Variants in WDR86 observed in about 807,000 individuals in gnomAD.
WDR86 encodes the protein WD repeat-containing protein 86.
WDR86 carries 30 observed loss-of-function variants against 36.5 expected under a neutral mutation model. The observed-to-expected ratio is 0.82, with a 90% CI of 0.61 to 1.11. The LOEUF is 1.11. Ranked by LOEUF, WDR86 falls within the 50% of genes most tolerant of loss-of-function variation. The probability of loss-of-function intolerance (pLI) is 0.00; values close to 1 mark genes in which losing one functional copy is unlikely to be tolerated. For missense variants in WDR86, 545 were observed against 561.2 expected (o/e 0.97, Z 0.29); for synonymous variants, 255 against 252.9 (o/e 1.01, Z -0.08).
downstream of WDR86, among the ~76,000 whole-genome samples, chr7:151,371,826 C>G (rs927132502): frequency 6.6e-6 from 1 of 152,172 alleles, no homozygotes; most frequent in African/African-American, 2.4e-5. Flanking sequence ...TCACTGCAAC[C>G]TTGATCTCCC....
At chr7:151,391,792 C>T (rs1015645941) in intron 3 of WDR86, among the ~76,000 whole-genome samples, 3 of 152,150 alleles carry the variant, frequency 2.0e-5, no homozygotes, top group African/African-American at 4.8e-5. Flanking sequence ...AAGAAACTCC[C>T]GTCTACCGAG....
rs188648424 is a variant in WDR86, at chr7:151,394,845, A to G, written c.726+931T>C. 7.3e-3 allele frequency among the ~76,000 whole-genome samples: 1,119 copies of G among 152,336 alleles called. 10 individuals are homozygous for G. The highest frequency in any genetic ancestry group is 0.026 in the South Asian group (128 of 4,832). On this transcript the variant is annotated intron_variant, in intron 3 of 5. Coordinates refer to ENST00000334493, the MANE Select transcript of WDR86 (RefSeq NM_198285.3). ...CTCCTGCATCTGCAGGAAAGGCGTG[A>G]GAACCCCCAGGCACCGGGATGTTCG...
chr7:151,374,878 C>G (rs537999532), downstream of WDR86, among the ~76,000 whole-genome samples: 2 of 152,170 alleles, frequency 1.3e-5, no homozygotes, highest in African/African-American at 2.4e-5. Flanking sequence ...TCAGAGCACA[C>G]GTGGTGAGGG....
In WDR86 at chr7:151,381,673, C is replaced by T. The variant is rs1474052437; in HGVS notation, c.1040G>A (p.Gly347Asp). The T allele has an allele frequency of 2.1e-6, 3 of 1,425,492 alleles. No homozygotes were observed. Among genetic ancestry groups the T allele is most frequent in the South Asian group, 1.5e-5 (1 of 66,432 alleles). 88.3% of individuals were successfully genotyped at this position (1,425,492 alleles called of 1,614,324 possible). A position where few individuals can be genotyped will look rare whatever the true frequency, so the allele number is the denominator to read the frequency against. ...CATGGGCGGAGGGGGCCGCGGGGCA[C>T]CTCGGAGCCCGCGCACGTCCCAGAG... ...LRLWDVRGLR[G>D]APRPPPPMRS... Residue 347 changes from glycine to aspartate, a missense_variant, in exon 6 of 6, where the codon GGT becomes GAT. Gly to Asp is a moderately conservative substitution (Grantham distance 94). Coordinates refer to ENST00000334493, the MANE Select transcript of WDR86 (RefSeq NM_198285.3). The surrounding 1 kb of genome is among the most constrained non-coding windows in gnomAD (Gnocchi z 4.8).
rs114117553 is a variant in WDR86, at chr7:151,407,037, G to C, written c.163+2390C>G. On this transcript the variant is annotated intron_variant, in intron 1 of 5. Coordinates refer to ENST00000334493, the MANE Select transcript of WDR86 (RefSeq NM_198285.3). Reference sequence around the variant, plus strand: ...ACTCACAATGACTCTTTTGCAAGTTGAGCGTATCAGTAGAATCTCAGGATA... The same window carrying C: ...ACTCACAATGACTCTTTTGCAAGTTCAGCGTATCAGTAGAATCTCAGGATA... Among the ~76,000 whole-genome samples, 680 of 152,310 alleles carry C rather than the reference G, an allele frequency of 4.5e-3. 12 individuals are homozygous for C. Among genetic ancestry groups the C allele is most frequent in the African/African-American group, 0.016 (657 of 41,552 alleles).
rs937363030 is a variant in WDR86, at chr7:151,390,984, G to A, written c.726+4792C>T. ...GTATGATGCTTGCACAACACTGAAC[G>A]TGCTTCACGCCCTGAGTAAATGCTG... is the stretch of plus-strand genomic sequence containing the variant. On this transcript the variant is annotated intron_variant, in intron 3 of 5. Coordinates refer to ENST00000334493, the MANE Select transcript of WDR86 (RefSeq NM_198285.3). The surrounding 1 kb of genome is among the most constrained non-coding windows in gnomAD (Gnocchi z 4.5). 2.0e-5 allele frequency among the ~76,000 whole-genome samples: 3 copies of A among 152,238 alleles called. No homozygotes were observed. Among genetic ancestry groups the A allele is most frequent in the South Asian group, 4.1e-4 (2 of 4,836 alleles).
downstream of WDR86, among the ~76,000 whole-genome samples, chr7:151,380,869 C>T (rs1316218533): frequency 6.6e-6 from 1 of 151,520 alleles, no homozygotes; most frequent in Non-Finnish European, 1.5e-5. Context: ...ACCCTGCTCC[C>T]AAGCAGGGTC....
At position 151,400,203 on chromosome 7, in the gene WDR86, C is replaced by T. The variant is rs375469365; in HGVS notation, c.202G>A (p.Glu68Lys). ...TCGGCGCTGCATGTGAAGGCAGCCTCATCCTCCAGCTGGCAGAAGGTCACA... is the reference window on the plus strand; with the variant it reads ...TCGGCGCTGCATGTGAAGGCAGCCTTATCCTCCAGCTGGCAGAAGGTCACA... ...SYVTFCQLED[E>K]AAFTCSADCT... The change falls in exon 2 of 6, where the codon GAG (glutamate) becomes AAG (lysine). Residue 68 changes from glutamate to lysine, a missense_variant. Physicochemically the swap from Glu to Lys is moderately conservative, Grantham distance 56. Coordinates refer to ENST00000334493, the MANE Select transcript of WDR86 (RefSeq NM_198285.3). 25 of 1,611,294 alleles carry T rather than the reference C, an allele frequency of 1.6e-5. No individual in the cohort carries two copies. Among genetic ancestry groups the T allele is most frequent in the Non-Finnish European group, 2.1e-5 (25 of 1,178,736 alleles).
At chr7:151,383,972 C>T (rs1295523511) in intron 4 of WDR86, among the ~76,000 whole-genome samples, 1 of 152,194 alleles carries the variant, frequency 6.6e-6, no homozygotes, top group African/African-American at 2.4e-5. Flanking sequence ...TTAGAGGACC[C>T]AGACTTGGGA....
At chr7:151,375,771 C>T, downstream of WDR86, 1 of 968,872 alleles carries the variant, frequency 1.0e-6, no homozygotes, top group South Asian at 1.3e-5. Flanking sequence ...CTGCCTAGCA[C>T]ATGGCAGGGT....
At chr7:151,382,618 G>C (rs982507432) in intron 4 of WDR86, among the ~76,000 whole-genome samples, 3 of 152,266 alleles carry the variant, frequency 2.0e-5, no homozygotes, top group Non-Finnish European at 4.4e-5. Flanking sequence ...GGCGGGGCCT[G>C]AGAATCGGCA....
downstream of WDR86, among the ~76,000 whole-genome samples, chr7:151,372,099 G>C (rs920278396): frequency 2.6e-5 from 4 of 152,230 alleles, no homozygotes; most frequent in Admixed American, 2.0e-4. Context: ...AACAGCTGTA[G>C]AAACGGAGCT....
In WDR86 at chr7:151,395,995, G is replaced by GCCAAGAAGCCCC. The variant is rs1431856421; in HGVS notation, c.506_507insGGGGCTTCTTGG (p.Gly169_Ser170insGlyLeuLeuGly). The GCCAAGAAGCCCC allele has an allele frequency of 8.8e-6, 14 of 1,599,752 alleles. No individual in the cohort carries two copies. Among genetic ancestry groups the GCCAAGAAGCCCC allele is most frequent in the Non-Finnish European group, 1.2e-5 (14 of 1,174,582 alleles). On this transcript the variant is annotated inframe_insertion, in exon 3 of 6. Coordinates refer to ENST00000334493, the MANE Select transcript of WDR86 (RefSeq NM_198285.3). Reference sequence around the variant, plus strand: ...ACACCTTGGCTGTGCCATCTGTGCTGCCGGTCACCAGAAGCCCCCCGGCCG... The same window carrying GCCAAGAAGCCCC: ...ACACCTTGGCTGTGCCATCTGTGCTGCCAAGAAGCCCCCCGGTCACCAGAAGCCCCCCGGCCG...
rs1320150446 is a variant in WDR86 at position 151,390,233 on chromosome 7, G to GC, written c.727-5011dup. Among the ~76,000 whole-genome samples the GC allele has an allele frequency of 1.3e-5, 2 of 152,176 alleles. No homozygotes were observed. The highest frequency in any genetic ancestry group is 4.8e-5 in the African/African-American group (2 of 41,440). ...GAGGAGATGAAAAGTCCCTGGTTCAGCCCTCAACGACAGAGCTCTCCCCGT... is the reference window on the plus strand; with the variant it reads ...GAGGAGATGAAAAGTCCCTGGTTCAGCCCCTCAACGACAGAGCTCTCCCCGT... On this transcript the variant is annotated intron_variant, in intron 3 of 5. Transcript: ENST00000334493. The surrounding 1 kb of genome is among the most constrained non-coding windows in gnomAD (Gnocchi z 4.5).
At chr7:151,376,667 G>A (rs201670558), downstream of WDR86, 162 of 1,611,224 alleles carry the variant, frequency 1.0e-4, no homozygotes, top group Admixed American at 1.7e-4. Context: ...ACTCGTGGCC[G>A]AAGCTGCGCT....
At chr7:151,377,414 C>T (rs1798354106), downstream of WDR86, 1 of 470,828 alleles carries the variant, frequency 2.1e-6, no homozygotes, top group Admixed American at 4.0e-5. Context: ...GAAGAAGCTT[C>T]CTCTGGCCTG....
chr7:151,375,009 G>A (rs1378329149), downstream of WDR86, among the ~76,000 whole-genome samples: 2 of 149,970 alleles, frequency 1.3e-5, no homozygotes, highest in African/African-American at 2.5e-5. Context: ...GGTTGTGCAC[G>A]TGCTGGGGGC....
At position 151,390,401 on chromosome 7, in the gene WDR86, G is replaced by A. The variant is rs866022632; in HGVS notation, c.727-5178C>T. Among the ~76,000 whole-genome samples the A allele has an allele frequency of 2.0e-5, 3 of 152,176 alleles. No individual in the cohort carries two copies. The highest frequency in any genetic ancestry group is 4.8e-5 in the African/African-American group (2 of 41,428). ...CAACCCCCACAGTCAGGAAGCCTCC[G>A]GAAGTTGCACAGCGTCCTGACGCTG... On this transcript the variant is annotated intron_variant, in intron 3 of 5. Transcript: ENST00000334493. The surrounding 1 kb of genome is among the most constrained non-coding windows in gnomAD (Gnocchi z 4.5).
At chr7:151,373,913 C>G (rs1283874309), downstream of WDR86, among the ~76,000 whole-genome samples, 1 of 149,334 alleles carries the variant, frequency 6.7e-6, no homozygotes, top group African/African-American at 2.6e-5. Context: ...CTTCCACCAC[C>G]CCTCTGCCTC....
Sources: allele counts gnomAD v4.1 joint callset (sites outside exome capture counted in the v4.1 genomes callset), GRCh38; gene constraint gnomAD v4.1.1; non-coding constraint Gnocchi (gnomAD v3.1); transcripts MANE v1.5; gene names NCBI Gene and HGNC (gene_info 2026-07-23, HGNC 2026-07-21).